TYR: variants seen among roughly 807,000 people sequenced by gnomAD.
TYR encodes the protein LB24-AB.
In TYR, 58 loss-of-function variants were observed where a neutral mutation model predicts 51.5. That is an observed-to-expected ratio of 1.13 (90% confidence interval 0.91 to 1.40). The LOEUF (loss-of-function observed/expected upper bound fraction) is 1.40. Among genes scored for constraint, TYR ranks in the 40% most tolerant of loss-of-function variants. TYR has a pLI of 0.00. For missense variants in TYR, 732 were observed against 647.4 expected (o/e 1.13, Z -1.42); for synonymous variants, 263 against 235.2 (o/e 1.12, Z -1.08).
chr11:89,194,564 A>G (rs1943490816), intron 2 of TYR, among the ~76,000 whole-genome samples: 2 of 152,176 alleles, frequency 1.3e-5, no homozygotes, highest in Admixed American at 1.3e-4. Flanking sequence ...GATGGTTACA[A>G]ATTTATGATT....
At chr11:89,268,074 A>C (rs1944546972) in intron 3 of TYR, among the ~76,000 whole-genome samples, 1 of 151,970 alleles carries the variant, frequency 6.6e-6, no homozygotes. Flanking sequence ...CTGCCACTTC[A>C]CACTTACTGG....
In TYR at chr11:89,220,144, TA is replaced by T. The variant is rs34422026; in HGVS notation, c.1037-7669del. The stretch of plus-strand genomic sequence containing the variant: ...TTAAAGAAATCTCAGACTAGGTAAT[TA>T]AAAAAAAAATGGTTTTATTTACTCA... On this transcript the variant is annotated intron_variant, in intron 2 of 4. Coordinates refer to ENST00000263321, the MANE Select transcript of TYR (RefSeq NM_000372.5). Among the ~76,000 whole-genome samples, 374 of 149,566 alleles carry T rather than the reference TA, an allele frequency of 2.5e-3. 1 individual carries two copies. Among genetic ancestry groups the T allele is most frequent in the African/African-American group, 8.4e-3 (344 of 40,866 alleles).
intron 3 of TYR, among the ~76,000 whole-genome samples, chr11:89,245,783 T>A (rs1263924525): frequency 2.0e-5 from 3 of 151,756 alleles, no homozygotes; most frequent in South Asian, 4.2e-4. Flanking sequence ...TTAGCTGGGC[T>A]TGGTGGTGGG....
chr11:89,220,621 G>A (rs980282068), intron 2 of TYR, among the ~76,000 whole-genome samples: 1 of 152,104 alleles, frequency 6.6e-6, no homozygotes, highest in Non-Finnish European at 1.5e-5. Context: ...GCCGGGCGTG[G>A]CGGGTGCCTG....
At chr11:89,289,457 G>C (rs541721358) in intron 4 of TYR, among the ~76,000 whole-genome samples, 1 of 151,892 alleles carries the variant, frequency 6.6e-6, no homozygotes, top group Non-Finnish European at 1.5e-5. Flanking sequence ...GTCTTCTGGG[G>C]TGCATTCCCT....
intron 4 of TYR, among the ~76,000 whole-genome samples, chr11:89,290,216 G>A (rs530728761): frequency 6.6e-6 from 1 of 152,108 alleles, no homozygotes; most frequent in East Asian, 1.9e-4. Context: ...GAACAAAAAG[G>A]TGCACTATTG....
At position 89,178,758 on chromosome 11, in the gene TYR, T is replaced by C; in HGVS notation, c.805T>C (p.Phe269Leu). ...NPNLLSPASFFSSWQIVCSRL... is the reference protein window; with the variant it reads ...NPNLLSPASFLSSWQIVCSRL... Reference sequence around the variant, plus strand: ...TAACTTACTCAGCCCAGCATCATTCTTCTCCTCTTGGCAGGTAAGATATGC... The same window carrying C: ...TAACTTACTCAGCCCAGCATCATTCCTCTCCTCTTGGCAGGTAAGATATGC... The change falls in exon 1 of 5, where the codon TTC becomes CTC. Residue 269 changes from phenylalanine (F) to leucine (L), a missense_variant. Phe to Leu is a conservative substitution (Grantham distance 22). Coordinates refer to ENST00000263321, the MANE Select transcript of TYR (RefSeq NM_000372.5). 2 of 1,614,118 alleles carry C rather than the reference T, an allele frequency of 1.2e-6. No individual in the cohort carries two copies. Among genetic ancestry groups the C allele is most frequent in the East Asian group, 2.2e-5 (1 of 44,864 alleles).
chr11:89,280,180 A>G (rs1279324424), intron 3 of TYR, among the ~76,000 whole-genome samples: 1 of 151,508 alleles, frequency 6.6e-6, no homozygotes, highest in African/African-American at 2.4e-5. Flanking sequence ...CATCTTGTAT[A>G]TTTCTTACCC....
Position 89,236,965 on chromosome 11 carries a change from C to T in TYR, c.1184+8995C>T, listed in dbSNP as rs571915167. Among the ~76,000 whole-genome samples the T allele has an allele frequency of 1.9e-4, 29 of 152,206 alleles. 1 individual carries two copies. The South Asian group carries it at 2.7e-3, about 14-fold the overall frequency. On this transcript the variant is annotated intron_variant, in intron 3 of 4. Transcript: ENST00000263321. ...AACTTGGCATTCAGTGACCTCAGGT[C>T]GGTATCCTGAAATCAGCCATGGTGA... is the stretch of plus-strand genomic sequence containing the variant.
chr11:89,194,345 ATCTT>A (rs1468298226), intron 2 of TYR, among the ~76,000 whole-genome samples: 6 of 152,144 alleles, frequency 3.9e-5, no homozygotes, highest in African/African-American at 1.4e-4. Context: ...GTGATTATGC[ATCTT>A]TCTGAGATGG....
At chr11:89,266,035 T>G (rs1944522856) in intron 3 of TYR, among the ~76,000 whole-genome samples, 1 of 151,962 alleles carries the variant, frequency 6.6e-6, no homozygotes, top group South Asian at 2.1e-4. Context: ...TTTTTTAGCA[T>G]TTGATCGATC....
chr11:89,223,085 A>C (rs1385386376), intron 2 of TYR, among the ~76,000 whole-genome samples: 1 of 152,216 alleles, frequency 6.6e-6, no homozygotes, highest in Non-Finnish European at 1.5e-5. Flanking sequence ...CTGTATATGC[A>C]AAAAGGAGCA....
intron 3 of TYR, among the ~76,000 whole-genome samples, chr11:89,277,837 A>G (rs1268860591): frequency 2.0e-5 from 3 of 151,612 alleles, no homozygotes; most frequent in Non-Finnish European, 3.0e-5. Flanking sequence ...ATGCGTGCAT[A>G]TCCACCAACT....
chr11:89,276,149 A>G (rs1044343342), intron 3 of TYR, among the ~76,000 whole-genome samples: 9 of 151,866 alleles, frequency 5.9e-5, no homozygotes, highest in African/African-American at 2.2e-4. Context: ...CCTCCAATGT[A>G]CTTGTGCCTG....
chr11:89,250,735 T>C (rs1944321219), intron 3 of TYR, among the ~76,000 whole-genome samples: 2 of 151,900 alleles, frequency 1.3e-5, no homozygotes. Flanking sequence ...ATACCAGTCA[T>C]ATTGCATTAG....
intron 3 of TYR, among the ~76,000 whole-genome samples, chr11:89,274,670 G>A (rs1944631239): frequency 6.6e-6 from 1 of 151,814 alleles, no homozygotes; most frequent in Non-Finnish European, 1.5e-5. Flanking sequence ...TTTGAAACAA[G>A]TTTTCTTATG....
At chr11:89,257,918 T>C (rs1944413012) in intron 3 of TYR, among the ~76,000 whole-genome samples, 1 of 152,072 alleles carries the variant, frequency 6.6e-6, no homozygotes, top group Admixed American at 6.6e-5. Flanking sequence ...TTGAATTTCA[T>C]GCATATAGTC....
chr11:89,206,810 G>A lies in TYR; in HGVS notation c.1036+15392G>A, dbSNP rs187996085. Reference sequence around the variant, plus strand: ...CTCCTACCCCAATGGAATCAAACTAGAAATCAATAACATGAGGGAAAGATC... The same window carrying A: ...CTCCTACCCCAATGGAATCAAACTAAAAATCAATAACATGAGGGAAAGATC... On this transcript the variant is annotated intron_variant, in intron 2 of 4. Coordinates refer to ENST00000263321, the MANE Select transcript of TYR (RefSeq NM_000372.5). 3.8e-3 allele frequency among the ~76,000 whole-genome samples: 572 copies of A among 152,076 alleles called. 5 individuals carry two copies. Among genetic ancestry groups the A allele is most frequent in the African/African-American group, 0.013 (552 of 41,514 alleles).
In TYR at chr11:89,178,604, G is replaced by A. The variant is rs778827696; in HGVS notation, c.651G>A (p.Arg217=). The A allele has an allele frequency of 2.6e-5, 42 of 1,612,652 alleles. No homozygotes were observed. In the South Asian group the frequency reaches 4.5e-4, roughly 17 times the overall value. The change falls in exon 1 of 5, where the codon CGG becomes CGA. Residue 217 remains arginine (R), a synonymous_variant. Transcript: ENST00000263321. ...CTTGGCATAGACTCTTCTTGTTGCG[G>A]TGGGAACAAGAAATCCAGAAGCTGA... is the stretch of plus-strand genomic sequence containing the variant. ...FLPWHRLFLL[R]WEQEIQKLTG...
Sources: allele counts gnomAD v4.1 joint callset (sites outside exome capture counted in the v4.1 genomes callset), GRCh38; gene constraint gnomAD v4.1.1; transcripts MANE v1.5; gene names NCBI Gene and HGNC (gene_info 2026-07-23, HGNC 2026-07-21).